Variants in RNF215 observed in about 807,000 individuals in gnomAD.
The protein encoded by RNF215 is ring finger protein 215.
In RNF215, 41 loss-of-function variants were observed where a neutral mutation model predicts 44.8. The ratio of observed to expected loss-of-function variants is 0.92; its 90% CI spans 0.71 to 1.19. The LOEUF is 1.19. Ranked by LOEUF, RNF215 falls within the 50% of genes most tolerant of loss-of-function variation. The pLI is 0.00. For synonymous variants in RNF215, 218 were observed against 230.1 expected (o/e 0.95, Z 0.48); for missense variants, 452 against 496.2 (o/e 0.91, Z 0.85).
rs550245236 is a variant in RNF215, at chr22:30,380,915, G to C, written c.745-514C>G. Among the ~76,000 whole-genome samples, 1 of 152,272 alleles carries C rather than the reference G, an allele frequency of 6.6e-6. No homozygotes were observed. Among genetic ancestry groups the C allele is most frequent in the African/African-American group, 2.4e-5 (1 of 41,564 alleles). ...TGTTGCTTCGTTCTCCTGGGTGGGG[G>C]TGGGTCTCATGCCCTCCTTGCCACC... On this transcript the variant is annotated intron_variant, in intron 5 of 8. Coordinates refer to ENST00000382363, the MANE Select transcript of RNF215 (RefSeq NM_001017981.2). The surrounding 1 kb of genome is among the most constrained non-coding windows in gnomAD (Gnocchi z 5.3).
intron 5 of RNF215, 145 bp downstream of exon 5, chr22:30,384,194 G>T: frequency 1.2e-6 from 1 of 858,012 alleles, no homozygotes; most frequent in Non-Finnish European, 1.8e-6. Flanking sequence ...CCATGTCTCT[G>T]AACACTCACA....
At chr22:30,384,967 A>G (rs1933575874) in intron 4 of RNF215, 1 of 155,920 alleles carries the variant, frequency 6.4e-6, no homozygotes, top group Admixed American at 6.4e-5. Flanking sequence ...ATGTGCCACC[A>G]TGCCCAGCTA....
At chr22:30,386,547 G>A (rs1270887974) in intron 2 of RNF215, 69 bp downstream of exon 2, 1 of 1,545,758 alleles carries the variant, frequency 6.5e-7, no homozygotes, top group East Asian at 2.3e-5. Flanking sequence ...CATCTAAGGA[G>A]GGCCTGGCTC....
Position 30,384,400 on chromosome 22 carries a change from T to C in RNF215, c.683A>G (p.Lys228Arg). 6.2e-7 allele frequency: 1 copy of C among 1,614,098 alleles called. No individual in the cohort carries two copies. Among genetic ancestry groups the C allele is most frequent in the Non-Finnish European group, 8.5e-7 (1 of 1,179,970 alleles). The change falls in exon 5 of 9, where the codon AAG becomes AGG. Residue 228 changes from lysine to arginine, a missense_variant. Lys to Arg is a conservative substitution (Grantham distance 26). Coordinates refer to ENST00000382363, the MANE Select transcript of RNF215 (RefSeq NM_001017981.2). ...GTCCTGCCATCCTCCATAGCCATCCTTGGAGAGGCCACAGGTGGTCCACAA... is the reference window on the plus strand; with the variant it reads ...GTCCTGCCATCCTCCATAGCCATCCCTGGAGAGGCCACAGGTGGTCCACAA... ...LTLWTTCGLSKDGYGGWQDLV... is the reference protein window; with the variant it reads ...LTLWTTCGLSRDGYGGWQDLV...
Position 30,386,124 on chromosome 22 carries a change from G to A in RNF215, c.447C>T (p.Phe149=), listed in dbSNP as rs773978641. The A allele has an allele frequency of 3.8e-6, 6 of 1,589,816 alleles. No individual in the cohort carries two copies. The East Asian group carries it at 9.2e-5, about 24-fold the overall frequency. The part of the protein sequence containing the change: ...ALVQQMRRAL[F]LGASALLLLI... ...GAAGAAGCAGGGCAGAGGCACCCAG[G>A]AAGAGGGCCCGCCGCATCTGCAGAG... The change falls in exon 3 of 9, where the codon TTC becomes TTT. Residue 149 remains phenylalanine, a synonymous_variant. Transcript: ENST00000382363.
chr22:30,385,888 C>T lies in RNF215; in HGVS notation c.587+16G>A, dbSNP rs1277976719. The T allele has an allele frequency of 6.2e-7, 1 of 1,613,028 alleles. No individual in the cohort carries two copies. The highest frequency in any genetic ancestry group is 1.1e-5 in the South Asian group (1 of 91,012). On this transcript the variant is annotated intron_variant, in intron 4 of 8. Coordinates refer to ENST00000382363, the MANE Select transcript of RNF215 (RefSeq NM_001017981.2). ...GTACCCAGGGTCAGTCCTTTGAAGT[C>T]TAAATACCAACTCACTGCAGCAATG...
At chr22:30,382,492 AAC>A (rs1219763834) in intron 5 of RNF215, among the ~76,000 whole-genome samples, 1 of 152,124 alleles carries the variant, frequency 6.6e-6, no homozygotes, top group African/African-American at 2.4e-5. Context: ...GAGATGATAA[AAC>A]ACAGCCCTGG....
chr22:30,386,401 A>G (rs1200987562), intron 2 of RNF215, among the ~76,000 whole-genome samples: 1 of 152,120 alleles, frequency 6.6e-6, no homozygotes, highest in Non-Finnish European at 1.5e-5. Flanking sequence ...CCATACTCTC[A>G]GAGCCTGGTC....
At chr22:30,383,343 A>T (rs1601758781) in intron 5 of RNF215, among the ~76,000 whole-genome samples, 1 of 151,864 alleles carries the variant, frequency 6.6e-6, no homozygotes, top group Non-Finnish European at 1.5e-5. Context: ...GCTCAGCCCC[A>T]CCCCAAGCCT....
rs1419473704 is a variant in RNF215 at position 30,379,007 on chromosome 22, A to C, written c.*593T>G. 6.5e-6 allele frequency: 1 copy of C among 153,418 alleles called. No homozygotes were observed. Among genetic ancestry groups the C allele is most frequent in the Non-Finnish European group, 1.4e-5 (1 of 69,134 alleles). 9.5% of individuals were successfully genotyped at this position (153,418 alleles called of 1,614,324 possible). Reference sequence around the variant, plus strand: ...ATTCCAGAACAGGACGGTTTCTAAGACCTCTGGTCCTAGCCAGGCCCAGGA... The same window carrying C: ...ATTCCAGAACAGGACGGTTTCTAAGCCCTCTGGTCCTAGCCAGGCCCAGGA... On this transcript the variant is annotated 3_prime_UTR_variant, in exon 9 of 9. Coordinates refer to ENST00000382363, the MANE Select transcript of RNF215 (RefSeq NM_001017981.2).
At position 30,380,505 on chromosome 22, in the gene RNF215, T is replaced by C; in HGVS notation, c.745-104A>G. The C allele has an allele frequency of 7.1e-7, 1 of 1,399,062 alleles. No homozygotes were observed. Among genetic ancestry groups the C allele is most frequent in the African/African-American group, 1.4e-5 (1 of 69,018 alleles). The allele number at this position is 1,399,062 out of a possible 1,614,324, so 86.7% of individuals were successfully genotyped here. ...CAGGGAGCAGGCAGGTGAGGTATGC[T>C]GACGGCCTCTGTGTCCCTGCAGTCC... On this transcript the variant is annotated intron_variant, in intron 5 of 8. Coordinates refer to ENST00000382363, the MANE Select transcript of RNF215 (RefSeq NM_001017981.2). This position sits in a 1 kb window ranked among gnomAD's most constrained non-coding sequence, Gnocchi z 5.3.
chr22:30,385,971 G>C lies in RNF215; in HGVS notation c.520C>G (p.Leu174Val), dbSNP rs773366745. 2.5e-6 allele frequency: 4 copies of C among 1,614,178 alleles called. No homozygotes were observed. The highest frequency in any genetic ancestry group is 2.5e-6 in the Non-Finnish European group (3 of 1,180,008). ...VVRELDISQL[L>V]LRPVIVLHYS... ...TGGAGGACGATCACTGGCCTGAGCAGAAGCTGGGATATGTCCAGCTGCAGG... is the reference window on the plus strand; with the variant it reads ...TGGAGGACGATCACTGGCCTGAGCACAAGCTGGGATATGTCCAGCTGCAGG... The change falls in exon 4 of 9, where the codon CTG becomes GTG. Residue 174 changes from leucine (L) to valine (V), a missense_variant. Physicochemically the swap from Leu to Val is conservative, Grantham distance 32. Transcript: ENST00000382363.
intron 4 of RNF215, 85 bp downstream of exon 4, chr22:30,385,819 T>C: frequency 8.2e-7 from 1 of 1,226,166 alleles, no homozygotes; most frequent in Admixed American, 1.9e-5. Context: ...GGTAAGGCCC[T>C]GGTCCCAAGC....
At chr22:30,379,648 GGAGA>G in intron 8 of RNF215, 26 bp from the exon 9 acceptor site, 1 of 1,552,002 alleles carries the variant, frequency 6.4e-7, no homozygotes, top group Non-Finnish European at 8.7e-7. Flanking sequence ...AGAAGAACAG[GGAGA>G]GAGGCATCAG....
At position 30,385,980 on chromosome 22, in the gene RNF215, A is replaced by G. The variant is rs760872601; in HGVS notation, c.511T>C (p.Ser171Pro). The G allele has an allele frequency of 6.2e-7, 1 of 1,614,122 alleles. No individual in the cohort carries two copies. Among genetic ancestry groups the G allele is most frequent in the Non-Finnish European group, 8.5e-7 (1 of 1,179,994 alleles). The change falls in exon 4 of 9, where the codon TCC becomes CCC. Residue 171 changes from serine (S) to proline (P), a missense_variant. Ser to Pro is a moderately conservative substitution (Grantham distance 74). Coordinates refer to ENST00000382363, the MANE Select transcript of RNF215 (RefSeq NM_001017981.2). Reference protein sequence around the residue: ...NHNVVRELDISQLLLRPVIVL... With the variant: ...NHNVVRELDIPQLLLRPVIVL... ...ATCACTGGCCTGAGCAGAAGCTGGG[A>G]TATGTCCAGCTGCAGGGAGACAAGG...
At chr22:30,385,704 G>A (rs1318176210) in intron 4 of RNF215, among the ~76,000 whole-genome samples, 200 bp downstream of exon 4, 3 of 150,928 alleles carry the variant, frequency 2.0e-5, no homozygotes, top group Non-Finnish European at 4.4e-5. Context: ...AGAATCACTT[G>A]AACCTGGAAG....
rs1305628339 is a variant in RNF215, at chr22:30,386,072, C to CT, written c.498dup (p.Glu167ArgfsTer37). ...CCTCACGGCCTGGTCCGATTTACCT[C>CT]TCGGACCACGTTGTGGTTCAGGATG... On this transcript the variant is annotated frameshift_variant, in exon 3 of 9. Coordinates refer to ENST00000382363, the MANE Select transcript of RNF215 (RefSeq NM_001017981.2). LOFTEE classifies it high-confidence loss of function. 3 of 1,613,212 alleles carry CT rather than the reference C, an allele frequency of 1.9e-6. No homozygotes were observed. The South Asian group carries it at 3.3e-5, about 18-fold the overall frequency.
At position 30,379,822 on chromosome 22, in the gene RNF215, G is replaced by T. The variant is rs764136411; in HGVS notation, c.1009-9C>A. 1.3e-6 allele frequency: 2 copies of T among 1,573,936 alleles called. No individual in the cohort carries two copies. The highest frequency in any genetic ancestry group is 1.3e-5 in the African/African-American group (1 of 74,082). On this transcript the variant is annotated splice_polypyrimidine_tract_variant and intron_variant, in intron 7 of 8. Coordinates refer to ENST00000382363, the MANE Select transcript of RNF215 (RefSeq NM_001017981.2). ...GGCAGCACCCGGAGCCACTACAGGGGTGGGGGAGGAAGGGCTCAGGTCACC... is the reference window on the plus strand; with the variant it reads ...GGCAGCACCCGGAGCCACTACAGGGTTGGGGGAGGAAGGGCTCAGGTCACC...
chr22:30,379,290 ATT>A lies in RNF215; in HGVS notation c.*308_*309del. The A allele has an allele frequency of 2.3e-6, 1 of 429,514 alleles. No individual in the cohort carries two copies. The highest frequency in any genetic ancestry group is 4.3e-6 in the Non-Finnish European group (1 of 232,768). The allele number at this position is 429,514 out of a possible 1,614,324, so 26.6% of individuals were successfully genotyped here. On this transcript the variant is annotated 3_prime_UTR_variant, in exon 9 of 9. Transcript: ENST00000382363. ...CTGGCGACAGCTACACTGGCCCCATATTCTCTTTCCTTATTGACCTGGGAGCT... is the reference window on the plus strand; with the variant it reads ...CTGGCGACAGCTACACTGGCCCCATACTCTTTCCTTATTGACCTGGGAGCT...
Sources: allele counts gnomAD v4.1 joint callset (sites outside exome capture counted in the v4.1 genomes callset), GRCh38; gene constraint gnomAD v4.1.1; non-coding constraint Gnocchi (gnomAD v3.1); transcripts MANE v1.5; gene names NCBI Gene and HGNC (gene_info 2026-07-23, HGNC 2026-07-21).